RBM19: variants seen among roughly 807,000 people sequenced by gnomAD.
The protein encoded by RBM19 is RNA binding motif protein 19.
A neutral mutation model predicts 116.8 loss-of-function variants in RBM19; 94 were observed. The observed-to-expected ratio is 0.80, with a 90% CI of 0.68 to 0.95. RBM19 has a LOEUF of 0.95. Ranked by LOEUF, RBM19 falls within the 40% of genes least tolerant of loss-of-function variation. The pLI is 0.00. For synonymous variants in RBM19, 475 were observed against 494.1 expected, an observed-to-expected ratio of 0.96 and a Z score of 0.51; for missense variants, 1,161 against 1,220.7, an observed-to-expected ratio of 0.95 and a Z score of 0.73.
At chr12:113,820,603 C>T (rs553144721), downstream of RBM19, among the ~76,000 whole-genome samples, 1 of 152,256 alleles carries the variant, frequency 6.6e-6, no homozygotes, top group African/African-American at 2.4e-5. Flanking sequence ...TCAGGCCACA[C>T]TGGCTGCACG....
intron 2 of RBM19, among the ~76,000 whole-genome samples, chr12:113,961,946 G>T (rs1039479824): frequency 6.6e-6 from 1 of 152,230 alleles, no homozygotes; most frequent in Non-Finnish European, 1.5e-5. Context: ...CAAGGTGTGG[G>T]CCTCAGACCA....
intron 8 of RBM19, among the ~76,000 whole-genome samples, chr12:113,951,472 T>A (rs1871454192): frequency 6.6e-6 from 1 of 152,078 alleles, no homozygotes; most frequent in Non-Finnish European, 1.5e-5. Flanking sequence ...CTGCTCTAAA[T>A]GCTGTACACA....
Position 113,945,854 on chromosome 12 carries a change from C to T in RBM19, c.1600G>A (p.Ala534Thr), listed in dbSNP as rs62621126. The change falls in exon 13 of 24, where the codon GCC (alanine) becomes ACC (threonine). Residue 534 changes from alanine (A) to threonine (T), a missense_variant. By Grantham distance (58) the Ala-to-Thr change is moderately conservative. Coordinates refer to ENST00000261741, the MANE Select transcript of RBM19 (RefSeq NM_016196.4). Reference sequence around the variant, plus strand: ...TGGTCAAACACTTGACTCTTGGTGGCGTTGTACTTCTGTGCGATGGCATCG... The same window carrying T: ...TGGTCAAACACTTGACTCTTGGTGGTGTTGTACTTCTGTGCGATGGCATCG... Reference protein sequence around the residue: ...VADAIAQKYNATKSQVFDHET... With the variant: ...VADAIAQKYNTTKSQVFDHET... 42,696 of 1,579,200 alleles carry T rather than the reference C, an allele frequency of 0.027. 672 individuals carry two copies. Among genetic ancestry groups the T allele is most frequent in the Non-Finnish European group, 0.032 (36,625 of 1,148,314 alleles).
intron 16 of RBM19, among the ~76,000 whole-genome samples, chr12:113,935,924 T>C (rs574943308): frequency 7.7e-4 from 117 of 151,972 alleles, no homozygotes; most frequent in African/African-American, 2.7e-3. Flanking sequence ...TAGTCCCAGC[T>C]ACTCGGGAGG....
At position 113,924,768 on chromosome 12, in the gene RBM19, A is replaced by G. The variant is rs1230203151; in HGVS notation, c.2245-11T>C. Reference sequence around the variant, plus strand: ...CACTTTTGAAAACACCTGGATAAGAAAGTAACAAGTATCATCAGCAGCTCT... The same window carrying G: ...CACTTTTGAAAACACCTGGATAAGAGAGTAACAAGTATCATCAGCAGCTCT... On this transcript the variant is annotated splice_polypyrimidine_tract_variant and intron_variant, in intron 17 of 23. Coordinates refer to ENST00000261741, the MANE Select transcript of RBM19 (RefSeq NM_016196.4). The G allele has an allele frequency of 7.8e-6, 12 of 1,533,418 alleles. No homozygotes were observed. Among genetic ancestry groups the G allele is most frequent in the Non-Finnish European group, 1.1e-5 (12 of 1,106,872 alleles). 95.0% of individuals were successfully genotyped at this position (1,533,418 alleles called of 1,614,324 possible).
intron 13 of RBM19, among the ~76,000 whole-genome samples, chr12:113,943,492 C>T (rs1246219963): frequency 7.6e-6 from 1 of 131,776 alleles, no homozygotes; most frequent in Non-Finnish European, 1.7e-5. Flanking sequence ...CAATAGCTTG[C>T]AATTTTTTTT....
chr12:113,819,229 C>G (rs904823572), downstream of RBM19, among the ~76,000 whole-genome samples: 2 of 152,230 alleles, frequency 1.3e-5, no homozygotes, highest in Non-Finnish European at 2.9e-5. Flanking sequence ...GAGCCACACT[C>G]TGAACACCGG....
intron 23 of RBM19, 120 bp downstream of exon 23, chr12:113,844,548 C>G: frequency 7.4e-7 from 1 of 1,351,660 alleles, no homozygotes; most frequent in Non-Finnish European, 9.7e-7. Flanking sequence ...GCAGGAGGTG[C>G]TTGGCAGCCC....
rs764212583 is a variant in RBM19, at chr12:113,823,247, C to T, written c.2860G>A (p.Glu954Lys). 1.1e-5 allele frequency: 17 copies of T among 1,611,834 alleles called. No individual in the cohort carries two copies. Among genetic ancestry groups the T allele is most frequent in the Middle Eastern group, 1.6e-4 (1 of 6,082 alleles). Residue 954 changes from glutamate (E) to lysine (K), a missense_variant, in exon 24 of 24, where the codon GAG (glutamate) becomes AAG (lysine). Coordinates refer to ENST00000261741, the MANE Select transcript of RBM19 (RefSeq NM_016196.4). Reference protein sequence around the residue: ...EQLEGSDSDSEEQTLQL With the variant: ...EQLEGSDSDSKEQTLQL ...GCTCACAGCTGAAGGGTCTGCTCCTCGCTGTCGCTGTCACTGCCTTCCAGC... is the reference window on the plus strand; with the variant it reads ...GCTCACAGCTGAAGGGTCTGCTCCTTGCTGTCGCTGTCACTGCCTTCCAGC...
At chr12:113,835,430 G>A (rs1875791205) in intron 23 of RBM19, among the ~76,000 whole-genome samples, 1 of 152,188 alleles carries the variant, frequency 6.6e-6, no homozygotes, top group Non-Finnish European at 1.5e-5. Flanking sequence ...ACGGCAGGCT[G>A]TGGTACTCGA....
At chr12:113,819,361 G>C (rs184741882), downstream of RBM19, among the ~76,000 whole-genome samples, 11 of 152,192 alleles carry the variant, frequency 7.2e-5, no homozygotes, top group South Asian at 2.3e-3. Flanking sequence ...CCTTTCCTAC[G>C]CAAGTGCTCT....
chr12:113,929,439 G>C (rs572505103), intron 16 of RBM19, among the ~76,000 whole-genome samples: 1 of 152,090 alleles, frequency 6.6e-6, no homozygotes, highest in Non-Finnish European at 1.5e-5. Flanking sequence ...CTACACAAAG[G>C]CTCCTCCCCC....
chr12:113,959,463 A>G (rs961963956), intron 4 of RBM19, 59 bp from the exon 5 acceptor site: 2 of 1,543,196 alleles, frequency 1.3e-6, no homozygotes, highest in Admixed American at 3.5e-5. Flanking sequence ...GAAGAGGCAG[A>G]GAAGGCTCAG....
chr12:113,894,638 G>A (rs61930721), intron 21 of RBM19, among the ~76,000 whole-genome samples: 1,961 of 152,308 alleles, frequency 0.013, 19 homozygotes, highest in Non-Finnish European at 0.02. Context: ...AAATTCTGCA[G>A]GGATGAATTA....
downstream of RBM19, chr12:113,817,421 C>T (rs564645277): frequency 5.9e-5 from 9 of 152,452 alleles, no homozygotes; most frequent in East Asian, 5.8e-4. Context: ...TCTATCAGCC[C>T]GTGCCTCTAG....
intron 18 of RBM19, among the ~76,000 whole-genome samples, chr12:113,921,832 T>C (rs1219526773): frequency 2.6e-5 from 4 of 152,182 alleles, no homozygotes; most frequent in African/African-American, 9.7e-5. Flanking sequence ...GAAGGTCAAG[T>C]TCAACTCTGA....
intron 21 of RBM19, among the ~76,000 whole-genome samples, chr12:113,876,548 T>C (rs999054387): frequency 1.3e-5 from 2 of 152,132 alleles, no homozygotes; most frequent in Non-Finnish European, 2.9e-5. Context: ...CCCAGCACTT[T>C]GGGAGGCTGA....
In RBM19 at chr12:113,876,002, G is replaced by A. The variant is rs1481500348; in HGVS notation, c.2559-17106C>T. ...GCACAGTGACTATTCCAGCAGGCCTGTGGTGACGTGTGCCTTGGGGTGGGT... is the reference window on the plus strand; with the variant it reads ...GCACAGTGACTATTCCAGCAGGCCTATGGTGACGTGTGCCTTGGGGTGGGT... On this transcript the variant is annotated intron_variant, in intron 21 of 23. Transcript: ENST00000261741. 3.3e-5 allele frequency among the ~76,000 whole-genome samples: 5 copies of A among 152,232 alleles called. No homozygotes were observed. In the South Asian group the frequency reaches 1.0e-3, roughly 32 times the overall value.
intron 6 of RBM19, among the ~76,000 whole-genome samples, chr12:113,955,774 A>G (rs1026676756): frequency 2.0e-5 from 3 of 152,194 alleles, no homozygotes; most frequent in Non-Finnish European, 2.9e-5. Flanking sequence ...GAGCCCATAT[A>G]TAGCTTATGC....
Sources: allele counts gnomAD v4.1 joint callset (sites outside exome capture counted in the v4.1 genomes callset), GRCh38; gene constraint gnomAD v4.1.1; transcripts MANE v1.5; gene names NCBI Gene and HGNC (gene_info 2026-07-23, HGNC 2026-07-21).